The following CALN1 variants were observed in gnomAD, a reference collection of about 807,000 sequenced individuals.
CALN1 encodes the protein calcium-binding protein 8.
CALN1 carries 17 observed loss-of-function variants against 30.6 expected under a neutral mutation model. The observed-to-expected ratio is 0.56, with a 90% confidence interval of 0.38 to 0.83. The LOEUF is 0.83. Ranked by LOEUF, CALN1 falls within the 40% of genes least tolerant of loss-of-function variation. The probability of loss-of-function intolerance (pLI) is 0.00; values close to 1 mark genes in which losing one functional copy is unlikely to be tolerated. For missense variants in CALN1, 291 were observed against 354.9 expected, an observed-to-expected ratio of 0.82 and a Z score of 1.45; for synonymous variants, 156 against 131.4, an observed-to-expected ratio of 1.19 and a Z score of -1.28.
chr7:72,475,325 C>T, the CALN1 span, among the ~76,000 whole-genome samples: 16 of 152,082 alleles, frequency 1.1e-4, no homozygotes, highest in South Asian at 8.3e-4. Flanking sequence ...CATGGTGGCA[C>T]GCGCCTGTAG....
At chr7:72,096,139 G>C (rs1053797291) in intron 4 of CALN1, among the ~76,000 whole-genome samples, 21 of 152,100 alleles carry the variant, frequency 1.4e-4, no homozygotes, top group African/African-American at 5.1e-4. Context: ...GCAAGTCAGG[G>C]GTAGGGCCTG....
intron 2 of CALN1, among the ~76,000 whole-genome samples, chr7:72,363,934 C>T (rs2129559944): frequency 6.6e-6 from 1 of 151,956 alleles, no homozygotes; most frequent in East Asian, 1.9e-4. Context: ...GGGTTTTCAC[C>T]ACATTGGCCA....
intron 4 of CALN1, among the ~76,000 whole-genome samples, chr7:72,054,876 C>T (rs1024523972): frequency 2.6e-5 from 4 of 151,996 alleles, no homozygotes; most frequent in African/African-American, 9.7e-5. Context: ...TTATAACAAA[C>T]CTGCACATGT....
intron 5 of CALN1, among the ~76,000 whole-genome samples, chr7:71,985,927 A>C (rs1251200281): frequency 6.6e-6 from 1 of 151,908 alleles, no homozygotes. Flanking sequence ...ACTTGTAATA[A>C]TAAAAATTTG....
At chr7:71,799,963 T>C (rs1787207578) in intron 6 of CALN1, among the ~76,000 whole-genome samples, 1 of 152,230 alleles carries the variant, frequency 6.6e-6, no homozygotes, top group African/African-American at 2.4e-5. Flanking sequence ...AAAGGTTTTA[T>C]TTCAGGAAAG....
chr7:71,948,242 G>A (rs1796506485), intron 5 of CALN1, among the ~76,000 whole-genome samples: 1 of 152,050 alleles, frequency 6.6e-6, no homozygotes, highest in Admixed American at 6.6e-5. Context: ...TGAGTGGGGG[G>A]GAAGAGGACC....
chr7:72,046,629 G>C (rs1802484061), intron 4 of CALN1, among the ~76,000 whole-genome samples: 1 of 139,826 alleles, frequency 7.2e-6, no homozygotes, highest in Non-Finnish European at 1.5e-5. Flanking sequence ...AGTATCACTT[G>C]AACCCAGGAG....
At chr7:71,922,344 T>C (rs1026333351) in intron 5 of CALN1, among the ~76,000 whole-genome samples, 58 of 151,842 alleles carry the variant, frequency 3.8e-4, no homozygotes, top group African/African-American at 1.3e-3. Context: ...AAAGAATGAA[T>C]GAATTCAACG....
At chr7:72,244,701 C>G (rs578137755) in intron 3 of CALN1, among the ~76,000 whole-genome samples, 2 of 151,298 alleles carry the variant, frequency 1.3e-5, no homozygotes, top group Non-Finnish European at 2.9e-5. Context: ...GAAGAACAAG[C>G]AGAAAGGGCT....
intron 2 of CALN1, among the ~76,000 whole-genome samples, chr7:72,347,593 C>T (rs1361449294): frequency 6.6e-6 from 1 of 152,114 alleles, no homozygotes; most frequent in African/African-American, 2.4e-5. Context: ...GCAGCCAGGC[C>T]CCCTCTCCTT....
At chr7:71,794,564 C>T (rs2115947149) in intron 6 of CALN1, among the ~76,000 whole-genome samples, 1 of 152,284 alleles carries the variant, frequency 6.6e-6, no homozygotes, top group African/African-American at 2.4e-5. Context: ...GTAAAAGGAG[C>T]TAATAATTGC....
At chr7:71,854,872 A>G (rs950000130) in intron 5 of CALN1, among the ~76,000 whole-genome samples, 4 of 152,232 alleles carry the variant, frequency 2.6e-5, no homozygotes, top group Admixed American at 1.3e-4. Context: ...AAAGAAAATA[A>G]ATCACGGCTT....
At chr7:72,136,090 G>A (rs1809489273) in intron 3 of CALN1, among the ~76,000 whole-genome samples, 1 of 151,460 alleles carries the variant, frequency 6.6e-6, no homozygotes, top group Non-Finnish European at 1.5e-5. Context: ...AGCCAAGATT[G>A]CACCACTGCA....
intron 2 of CALN1, among the ~76,000 whole-genome samples, chr7:72,313,633 G>A (rs1464727835): frequency 6.6e-6 from 1 of 152,084 alleles, no homozygotes; most frequent in African/African-American, 2.4e-5. Context: ...CCTGGCTCAA[G>A]CAATCCTCCC....
chr7:72,405,183 G>C (rs187263462), intron 1 of CALN1, among the ~76,000 whole-genome samples: 219 of 152,302 alleles, frequency 1.4e-3, no homozygotes, highest in Non-Finnish European at 2.2e-3. Context: ...GGATCTCAAA[G>C]ACACCTTAAA....
intron 3 of CALN1, among the ~76,000 whole-genome samples, chr7:72,241,396 C>T (rs934649029): frequency 2.0e-5 from 3 of 152,028 alleles, no homozygotes; most frequent in South Asian, 2.1e-4. Flanking sequence ...TTTTCCCCCC[C>T]ACACATTTAC....
chr7:71,843,883 T>C (rs1398719816), intron 5 of CALN1, among the ~76,000 whole-genome samples: 2 of 152,158 alleles, frequency 1.3e-5, no homozygotes, highest in Non-Finnish European at 2.9e-5. Flanking sequence ...CAGATGGCGT[T>C]AGAGATTCTA....
At chr7:71,862,413 A>G (rs1472201032) in intron 5 of CALN1, among the ~76,000 whole-genome samples, 5 of 152,298 alleles carry the variant, frequency 3.3e-5, no homozygotes, top group South Asian at 2.1e-4. Flanking sequence ...ATGATAGTGA[A>G]TAAGTCTCAC....
chr7:71,792,981 C>T (rs1036991875), intron 6 of CALN1, among the ~76,000 whole-genome samples: 3 of 151,968 alleles, frequency 2.0e-5, no homozygotes, highest in Non-Finnish European at 4.4e-5. Context: ...GAGCAATCGC[C>T]TGGAGAATTC....
Sources: allele counts gnomAD v4.1 joint callset (sites outside exome capture counted in the v4.1 genomes callset), GRCh38; gene constraint gnomAD v4.1.1; transcripts MANE v1.5; gene names NCBI Gene and HGNC (gene_info 2026-07-23, HGNC 2026-07-21).